The following ANK1 variants were observed in gnomAD, a reference collection of about 807,000 sequenced individuals.
ANK1 encodes ankyrin 1.
In ANK1, 51 loss-of-function variants were observed where a neutral mutation model predicts 210.4. That is an observed-to-expected ratio of 0.24 (90% CI 0.19 to 0.31). The LOEUF is 0.31. Ranked by LOEUF, ANK1 falls within the 10% of genes least tolerant of loss-of-function variation. ANK1 has a pLI of 1.00. For synonymous variants in ANK1, 967 were observed against 1,025.9 expected, an observed-to-expected ratio of 0.94 and a Z score of 1.10; for missense variants, 2,051 against 2,504.4, an observed-to-expected ratio of 0.82 and a Z score of 3.86.
chr8:41,688,639 C>A, intron 33 of ANK1, 50 bp from the exon 34 acceptor site: 3 of 1,540,700 alleles, frequency 1.9e-6, no homozygotes, highest in Admixed American at 1.7e-5. Flanking sequence ...CCCACCTTCC[C>A]AGAGAAAGTG....
chr8:41,837,228 T>C (rs1037702207), intron 1 of ANK1, among the ~76,000 whole-genome samples: 2 of 152,248 alleles, frequency 1.3e-5, no homozygotes, highest in Non-Finnish European at 2.9e-5. Context: ...ATAATCTCTA[T>C]AGTCACACCT....
At chr8:41,663,875 C>T in intron 39 of ANK1, 133 bp from the exon 40 acceptor site, 1 of 774,110 alleles carries the variant, frequency 1.3e-6, no homozygotes, top group South Asian at 1.4e-5. Flanking sequence ...GGAAACCCGG[C>T]TCAGCATGTA....
intron 42 of ANK1, among the ~76,000 whole-genome samples, chr8:41,657,066 T>C (rs1805986528): frequency 6.6e-6 from 1 of 152,136 alleles, no homozygotes. Flanking sequence ...TCCATTCTCT[T>C]TTCTGCAGAG....
At chr8:41,869,233 T>C (rs1375753252) in intron 1 of ANK1, among the ~76,000 whole-genome samples, 1 of 152,140 alleles carries the variant, frequency 6.6e-6, no homozygotes, top group Non-Finnish European at 1.5e-5. Flanking sequence ...ATGTTCTGAC[T>C]CAGGACTGGC....
intron 38 of ANK1, among the ~76,000 whole-genome samples, chr8:41,669,878 G>A (rs1811741572): frequency 6.6e-6 from 1 of 152,112 alleles, no homozygotes; most frequent in Non-Finnish European, 1.5e-5. Flanking sequence ...CTAGCTTCAT[G>A]GGCTTGGTTA....
At chr8:41,759,555 G>A (rs1839967159) in intron 1 of ANK1, among the ~76,000 whole-genome samples, 2 of 152,118 alleles carry the variant, frequency 1.3e-5, no homozygotes, top group Admixed American at 6.5e-5. Flanking sequence ...AAGCAATGCT[G>A]TACAACAATT....
intron 37 of ANK1, among the ~76,000 whole-genome samples, chr8:41,682,839 G>A (rs979244891): frequency 7.9e-5 from 12 of 152,190 alleles, no homozygotes; most frequent in Non-Finnish European, 1.3e-4. Context: ...AAGAAGTCTC[G>A]ACACATGGGA....
intron 2 of ANK1, among the ~76,000 whole-genome samples, chr8:41,741,941 T>C (rs1182635442): frequency 6.6e-6 from 1 of 152,238 alleles, no homozygotes; most frequent in East Asian, 1.9e-4. Flanking sequence ...AAAATCTTCA[T>C]GCCAAGCACA....
At chr8:41,739,810 G>T (rs1327142893) in intron 2 of ANK1, among the ~76,000 whole-genome samples, 2 of 152,100 alleles carry the variant, frequency 1.3e-5, no homozygotes, top group Admixed American at 1.3e-4. Flanking sequence ...GGGGCTTTTT[G>T]TGTGAGTGTT....
intron 1 of ANK1, among the ~76,000 whole-genome samples, chr8:41,842,094 T>C (rs1809025819): frequency 1.3e-5 from 2 of 152,204 alleles, no homozygotes; most frequent in South Asian, 4.1e-4. Context: ...GCTCTGACTG[T>C]GACCCAGGCC....
intron 1 of ANK1, among the ~76,000 whole-genome samples, chr8:41,767,851 G>C (rs557157068): frequency 6.6e-6 from 1 of 152,312 alleles, no homozygotes; most frequent in African/African-American, 2.4e-5. Flanking sequence ...GGAGCTTGCC[G>C]AGACGTGGCC....
intron 1 of ANK1, among the ~76,000 whole-genome samples, chr8:41,782,190 G>C (rs1845482541): frequency 6.6e-6 from 1 of 152,164 alleles, no homozygotes; most frequent in Non-Finnish European, 1.5e-5. Context: ...CCCTGCCATG[G>C]GGCCACCAGA....
chr8:41,854,371 A>G (rs927914812), intron 1 of ANK1, among the ~76,000 whole-genome samples: 5 of 152,188 alleles, frequency 3.3e-5, no homozygotes, highest in Non-Finnish European at 5.9e-5. Context: ...CCCCAATCCC[A>G]TCAAGCCAAT....
In ANK1 at chr8:41,704,726, A is replaced by G. The variant is rs1256963655; in HGVS notation, c.2098-254T>C. Among the ~76,000 whole-genome samples the G allele has an allele frequency of 1.3e-5, 2 of 152,178 alleles. No individual in the cohort carries two copies. The highest frequency in any genetic ancestry group is 2.9e-5 in the Non-Finnish European group (2 of 68,030). On this transcript the variant is annotated intron_variant, in intron 18 of 42. Coordinates refer to ENST00000289734, the MANE Select transcript of ANK1 (RefSeq NM_000037.4). This position sits in a 1 kb window ranked among gnomAD's most constrained non-coding sequence, Gnocchi z 4.1. ...AGAAGAGGGCTATGCTGGGGTCGTC[A>G]GTGCATGGGAGATCTGAGAGCTTTG...
chr8:41,790,649 C>A (rs1847477911), intron 1 of ANK1, among the ~76,000 whole-genome samples: 1 of 152,054 alleles, frequency 6.6e-6, no homozygotes, highest in African/African-American at 2.4e-5. Context: ...TAGTTCCCTG[C>A]ATCTGTACAA....
At chr8:41,847,392 T>C (rs7833494) in intron 1 of ANK1, among the ~76,000 whole-genome samples, 74,038 of 152,124 alleles carry the variant, frequency 0.49, 20,945 homozygotes, top group African/African-American at 0.79. Context: ...CTGGCCAGAA[T>C]CAGTCACATG....
rs3063769 is a variant in ANK1, at chr8:41,744,536, CTTT to C, written c.130-10470_130-10468del. Among the ~76,000 whole-genome samples, 291 of 125,458 alleles carry C rather than the reference CTTT, an allele frequency of 2.3e-3. 1 individual carries two copies. The highest frequency in any genetic ancestry group is 6.6e-3 in the East Asian group (28 of 4,238). The allele number at this position is 125,458 out of a possible 152,430, so 82.3% of individuals were successfully genotyped here. ...GTGGGGAGGGAGCATGATTTCTTTT[CTTT>C]TTTTTTTTTTTTTTTGAGACAGAGT... On this transcript the variant is annotated intron_variant, in intron 2 of 42. Coordinates refer to ENST00000289734, the MANE Select transcript of ANK1 (RefSeq NM_000037.4).
At chr8:41,757,087 CA>C (rs1279287221) in intron 2 of ANK1, among the ~76,000 whole-genome samples, 1 of 152,062 alleles carries the variant, frequency 6.6e-6, no homozygotes, top group East Asian at 1.9e-4. Flanking sequence ...TTCAGTTTTG[CA>C]ACATGAAAAG....
At chr8:41,707,119 G>T (rs1295574400) in intron 17 of ANK1, among the ~76,000 whole-genome samples, 1 of 152,122 alleles carries the variant, frequency 6.6e-6, no homozygotes, top group Non-Finnish European at 1.5e-5. Context: ...AATAAATAAT[G>T]TACCATACTG....
Sources: allele counts gnomAD v4.1 joint callset (sites outside exome capture counted in the v4.1 genomes callset), GRCh38; gene constraint gnomAD v4.1.1; non-coding constraint Gnocchi (gnomAD v3.1); transcripts MANE v1.5; gene names NCBI Gene and HGNC (gene_info 2026-07-23, HGNC 2026-07-21).